CLASRP: variants seen among roughly 807,000 people sequenced by gnomAD.
The protein encoded by CLASRP is CLK4-associating serine/arginine rich protein.
A neutral mutation model predicts 99.9 loss-of-function variants in CLASRP; 52 were observed. The ratio of observed to expected loss-of-function variants is 0.52; its 90% CI spans 0.42 to 0.66. The LOEUF is 0.66. Ranked by LOEUF, CLASRP falls within the 30% of genes least tolerant of loss-of-function variation. The pLI, the probability that CLASRP is intolerant of heterozygous loss-of-function variation, is 0.00. For synonymous variants in CLASRP, 379 were observed against 373.0 expected, an observed-to-expected ratio of 1.02 and a Z score of -0.18; for missense variants, 848 against 999.2, an observed-to-expected ratio of 0.85 and a Z score of 2.04.
chr19:45,048,963 G>A (rs1028570129), intron 2 of CLASRP, among the ~76,000 whole-genome samples: 1 of 152,212 alleles, frequency 6.6e-6, no homozygotes, highest in African/African-American at 2.4e-5. Context: ...TCCAGCCTGG[G>A]TGACAGAGCG....
chr19:45,056,377 C>T (rs552572041), intron 5 of CLASRP, 73 bp from the exon 6 acceptor site: 3 of 1,365,284 alleles, frequency 2.2e-6, no homozygotes, highest in South Asian at 2.3e-5. Flanking sequence ...TGCCCCACCG[C>T]ACCCTTGTGT....
At chr19:45,052,195 G>T in intron 3 of CLASRP, 27 bp downstream of exon 3, 1 of 1,600,314 alleles carries the variant, frequency 6.2e-7, no homozygotes, top group Non-Finnish European at 8.6e-7. Flanking sequence ...AGGCAGGGGA[G>T]TGTCTGAAGT....
Position 45,067,319 on chromosome 19 carries a change from G to A in CLASRP, c.1410-18G>A, listed in dbSNP as rs774844876. 43 of 1,491,014 alleles carry A rather than the reference G, an allele frequency of 2.9e-5. No individual in the cohort carries two copies. The highest frequency in any genetic ancestry group is 5.2e-5 in the South Asian group (4 of 76,206). The allele number at this position is 1,491,014 out of a possible 1,614,324, so 92.4% of individuals were successfully genotyped here. On this transcript the variant is annotated intron_variant, in intron 13 of 20. Coordinates refer to ENST00000221455, the MANE Select transcript of CLASRP (RefSeq NM_007056.3). The surrounding 1 kb of genome is among the most constrained non-coding windows in gnomAD (Gnocchi z 4.9). ...CCTGGAGCCTCACAGTCCTCCTCCC[G>A]CCCTGCTGCATCCCCAGGAGCCGCT...
intron 2 of CLASRP, among the ~76,000 whole-genome samples, chr19:45,046,276 T>C (rs1971914694): frequency 6.6e-6 from 1 of 152,226 alleles, no homozygotes; most frequent in Non-Finnish European, 1.5e-5. Context: ...TCTGTCTTCC[T>C]GATTTGTCGT....
At chr19:45,052,013 A>G in intron 2 of CLASRP, 58 bp from the exon 3 acceptor site, 1 of 1,323,446 alleles carries the variant, frequency 7.6e-7, no homozygotes, top group Non-Finnish European at 1.1e-6. Context: ...GTTGTGTGTG[A>G]GGGGGTGGGG....
At chr19:45,065,024 C>T (rs989275797) in intron 13 of CLASRP, among the ~76,000 whole-genome samples, 4 of 151,304 alleles carry the variant, frequency 2.6e-5, no homozygotes, top group African/African-American at 9.7e-5. Context: ...GCTGGGAAAC[C>T]CCTTGCGGAG....
At chr19:45,043,712 G>C (rs995505577) in intron 2 of CLASRP, among the ~76,000 whole-genome samples, 1 of 152,110 alleles carries the variant, frequency 6.6e-6, no homozygotes, top group African/African-American at 2.4e-5. Context: ...AGGAAGCTCT[G>C]AGAGCTCCTT....
intron 12 of CLASRP, 31 bp downstream of exon 12, chr19:45,064,258 CCCCGGTCA>C: frequency 6.5e-7 from 1 of 1,548,588 alleles, no homozygotes; most frequent in Non-Finnish European, 8.7e-7. Flanking sequence ...CCGCCCTACG[CCCCGGTCA>C]CCATGGGGGG....
chr19:45,064,503 C>T lies in CLASRP; in HGVS notation c.1282C>T (p.Arg428Cys), dbSNP rs768043906. Residue 428 changes from arginine (R) to cysteine (C), a missense_variant, in exon 13 of 21, where the codon CGC becomes TGC. Arg to Cys is a radical substitution (Grantham distance 180). This residue lies in a region of CLASRP where 489 missense variants were observed against 434.7 expected (regional missense o/e 1.12). Transcript: ENST00000221455. Reference protein sequence around the residue: ...RSRSWSRSRSRSRRYSRSRSR... With the variant: ...RSRSWSRSRSCSRRYSRSRSR... ...CCGCTCCTGGTCCCGCTCCCGCTCC[C>T]GCTCCCGGCGCTATTCCCGGTCCCG... The T allele has an allele frequency of 1.4e-5, 22 of 1,536,680 alleles. No homozygotes were observed. Among genetic ancestry groups the T allele is most frequent in the Non-Finnish European group, 1.3e-5 (15 of 1,145,958 alleles).
chr19:45,064,323 C>G lies in CLASRP; in HGVS notation c.1122-20C>G, dbSNP rs1230555990. The G allele has an allele frequency of 6.6e-7, 1 of 1,517,514 alleles. No homozygotes were observed. Among genetic ancestry groups the G allele is most frequent in the Non-Finnish European group, 8.8e-7 (1 of 1,136,604 alleles). 94.0% of individuals were successfully genotyped at this position (1,517,514 alleles called of 1,614,324 possible). On this transcript the variant is annotated intron_variant, in intron 12 of 20. Transcript: ENST00000221455. ...GCGGCTCAGGCCTGCGCTGACCGGC[C>G]CTCCGTGCCCCGCCTGCAGCCGCCG...
At position 45,070,048 on chromosome 19, in the gene CLASRP, GAGA is replaced by G; in HGVS notation, c.1905_1907del (p.Glu636del). 1 of 1,609,082 alleles carries G rather than the reference GAGA, an allele frequency of 6.2e-7. No individual in the cohort carries two copies. Among genetic ancestry groups the G allele is most frequent in the Non-Finnish European group, 8.5e-7 (1 of 1,175,422 alleles). ...GAGCGGGAACGCCGAGAGAAGGAGA[GAGA>G]AGAGTGGGAACGCCAGTACAGCCGG... On this transcript the variant is annotated inframe_deletion, in exon 19 of 21. Transcript: ENST00000221455.
At chr19:45,047,730 C>T (rs1971948512) in intron 2 of CLASRP, among the ~76,000 whole-genome samples, 1 of 152,114 alleles carries the variant, frequency 6.6e-6, no homozygotes, top group South Asian at 2.1e-4. Flanking sequence ...GATGTAGTTA[C>T]TACTACTGTA....
chr19:45,070,511 C>G (rs377617601), intron 19 of CLASRP, 26 bp from the exon 20 acceptor site: 407 of 1,613,032 alleles, frequency 2.5e-4, no homozygotes, highest in Non-Finnish European at 3.3e-4. Flanking sequence ...TGTTTGCTCG[C>G]TCTTCACCTG....
chr19:45,059,511 G>A (rs1966891663), intron 8 of CLASRP, 147 bp downstream of exon 8: 1 of 691,424 alleles, frequency 1.4e-6, no homozygotes, highest in African/African-American at 1.8e-5. Flanking sequence ...AGGTCCCTGA[G>A]CCTATGGTGG....
chr19:45,070,621 T>C (rs1366067775), intron 20 of CLASRP, 60 bp downstream of exon 20: 1 of 1,507,188 alleles, frequency 6.6e-7, no homozygotes, highest in South Asian at 1.1e-5. Flanking sequence ...TGATGGGAGG[T>C]CCTGGCTGTC....
chr19:45,070,657 A>T (rs1019340910), intron 20 of CLASRP, 96 bp downstream of exon 20: 2 of 1,343,978 alleles, frequency 1.5e-6, no homozygotes, highest in African/African-American at 2.9e-5. Context: ...CCCTGTACCC[A>T]CCTCCAGTTG....
chr19:45,053,263 T>G, intron 5 of CLASRP, 86 bp downstream of exon 5: 1 of 1,352,678 alleles, frequency 7.4e-7, no homozygotes, highest in Non-Finnish European at 1.1e-6. Context: ...AAAAGTTTTA[T>G]CCACATACTT....
intron 8 of CLASRP, among the ~76,000 whole-genome samples, chr19:45,059,929 C>T (rs771954021): frequency 6.6e-6 from 1 of 152,144 alleles, no homozygotes; most frequent in African/African-American, 2.4e-5. Context: ...CCAGCCTGCA[C>T]AGTCTCCTTG....
chr19:45,048,300 G>A (rs544565084), intron 2 of CLASRP, among the ~76,000 whole-genome samples: 5 of 150,730 alleles, frequency 3.3e-5, no homozygotes, highest in Admixed American at 6.6e-5. Flanking sequence ...ACTTTGGGAG[G>A]CCGAGGCGGG....
Sources: gnomAD v4.1 joint callset for allele counts (sites outside exome capture counted in the v4.1 genomes callset) on GRCh38, gnomAD v4.1.1 for gene constraint, gnomAD v4.1.1 regional missense constraint, Gnocchi (gnomAD v3.1) non-coding constraint, MANE v1.5 for transcripts, NCBI Gene and HGNC (gene_info 2026-07-23, HGNC 2026-07-21) for gene names.